Variants in ABCC1 observed in about 807,000 individuals in gnomAD.
ABCC1 encodes ATP binding cassette subfamily C member 1 (ABCC1 blood group).
In ABCC1, 83 loss-of-function variants were observed where a neutral mutation model predicts 172.9. The observed-to-expected ratio is 0.48, with a 90% confidence interval of 0.40 to 0.58. ABCC1 has a LOEUF of 0.58. ABCC1 is among the 20% of genes least tolerant of loss of function. The pLI is 0.00. For missense variants in ABCC1, 1,817 were observed against 2,002.7 expected (o/e 0.91, Z 1.77); for synonymous variants, 937 against 825.2 (o/e 1.14, Z -2.32).
Position 16,051,124 on chromosome 16 carries a change from A to G in ABCC1, c.1381-1600A>G, listed in dbSNP as rs1441353919. Among the ~76,000 whole-genome samples, 3 of 151,202 alleles carry G rather than the reference A, an allele frequency of 2.0e-5. No homozygotes were observed. In the East Asian group the frequency reaches 5.8e-4, roughly 29 times the overall value. ...GCACTGTTGACACTTGGGGCCAGAC[A>G]GTTCTTTGTTGTGGGGGCTGTCTTT... On this transcript the variant is annotated intron_variant, in intron 10 of 30. Coordinates refer to ENST00000399410, the MANE Select transcript of ABCC1 (RefSeq NM_004996.4).
Position 16,052,826 on chromosome 16 carries a change from G to A in ABCC1, c.1473+10G>A, listed in dbSNP as rs773020440. On this transcript the variant is annotated intron_variant, in intron 11 of 30. Coordinates refer to ENST00000399410, the MANE Select transcript of ABCC1 (RefSeq NM_004996.4). Reference sequence around the variant, plus strand: ...GACCAAGACGTATCAGGTAAGGCATGTGTCTCTGCGGGCCCCCAAGCCGGG... The same window carrying A: ...GACCAAGACGTATCAGGTAAGGCATATGTCTCTGCGGGCCCCCAAGCCGGG... The A allele has an allele frequency of 6.2e-7, 1 of 1,614,022 alleles. No individual in the cohort carries two copies. The highest frequency in any genetic ancestry group is 2.2e-5 in the East Asian group (1 of 44,874).
At chr16:16,127,803 G>T (rs1035646503) in intron 26 of ABCC1, among the ~76,000 whole-genome samples, 2 of 152,200 alleles carry the variant, frequency 1.3e-5, no homozygotes, top group South Asian at 2.1e-4. Flanking sequence ...CCCATGTCAC[G>T]GGTGAGCATT....
At chr16:16,093,631 C>A (rs1312309429) in intron 19 of ABCC1, among the ~76,000 whole-genome samples, 4 of 152,170 alleles carry the variant, frequency 2.6e-5, no homozygotes, top group Non-Finnish European at 5.9e-5. Context: ...TCACCACCCA[C>A]CCTTTTCCAT....
At chr16:16,047,565 C>T (rs113945193) in intron 9 of ABCC1, among the ~76,000 whole-genome samples, 2 of 152,126 alleles carry the variant, frequency 1.3e-5, no homozygotes, top group Non-Finnish European at 2.9e-5. Flanking sequence ...GGGGCATTTT[C>T]GGTTGTCCCA....
chr16:16,106,953 C>G (rs2052148890), intron 21 of ABCC1, 80 bp downstream of exon 21: 11 of 1,570,728 alleles, frequency 7.0e-6, no homozygotes, highest in African/African-American at 1.3e-5. Context: ...TGCAAAGTGC[C>G]TTGTCTATGT....
intron 5 of ABCC1, among the ~76,000 whole-genome samples, chr16:16,020,947 T>C (rs1419406906): frequency 6.6e-6 from 1 of 152,208 alleles, no homozygotes; most frequent in Non-Finnish European, 1.5e-5. Context: ...CTGGCTGTTG[T>C]GCACAATCAT....
intron 18 of ABCC1, 62 bp downstream of exon 18, chr16:16,087,053 G>A (rs2152006367): frequency 2.5e-6 from 4 of 1,580,868 alleles, no homozygotes; most frequent in Admixed American, 1.8e-5. Flanking sequence ...AAGTCAGAAC[G>A]TGTCCCCTTT....
chr16:16,037,768 A>G (rs983352610), intron 7 of ABCC1, among the ~76,000 whole-genome samples: 100 of 152,174 alleles, frequency 6.6e-4, no homozygotes, highest in African/African-American at 2.4e-3. Flanking sequence ...TGCCCAGGAT[A>G]CAGGCCTTCA....
At chr16:15,993,284 G>T (rs1037363286) in intron 1 of ABCC1, among the ~76,000 whole-genome samples, 3 of 152,156 alleles carry the variant, frequency 2.0e-5, no homozygotes, top group Non-Finnish European at 4.4e-5. Flanking sequence ...GTGTTAATCC[G>T]TCTCTTGGCT....
intron 5 of ABCC1, among the ~76,000 whole-genome samples, chr16:16,026,175 T>C (rs2048361217): frequency 6.6e-6 from 1 of 152,160 alleles, no homozygotes; most frequent in African/African-American, 2.4e-5. Context: ...CTCATGCCTG[T>C]AATCCCAGCA....
intron 1 of ABCC1, among the ~76,000 whole-genome samples, chr16:15,950,782 A>T (rs1301842408): frequency 6.6e-6 from 1 of 152,084 alleles, no homozygotes; most frequent in Non-Finnish European, 1.5e-5. Flanking sequence ...TTTAGGAATC[A>T]GGAGAAACAG....
intron 5 of ABCC1, among the ~76,000 whole-genome samples, chr16:16,017,182 C>T (rs1335026818): frequency 6.6e-6 from 1 of 152,108 alleles, no homozygotes; most frequent in Non-Finnish European, 1.5e-5. Context: ...AGATGGCCAC[C>T]GTTTCTGCTA....
At chr16:16,124,983 T>G in intron 25 of ABCC1, 68 bp downstream of exon 25, 1 of 1,604,518 alleles carries the variant, frequency 6.2e-7, no homozygotes, top group South Asian at 1.1e-5. Flanking sequence ...TCCTTGGCTT[T>G]GGATTCCAGC....
intron 6 of ABCC1, 58 bp downstream of exon 6, chr16:16,033,228 T>C: frequency 3.4e-6 from 5 of 1,475,808 alleles, no homozygotes; most frequent in Middle Eastern, 1.7e-4. Context: ...AATGAATGAA[T>C]GAACGAATGA....
intron 1 of ABCC1, among the ~76,000 whole-genome samples, chr16:15,998,999 A>C (rs1454259306): frequency 6.6e-6 from 1 of 152,060 alleles, no homozygotes; most frequent in African/African-American, 2.4e-5. Flanking sequence ...AAAATTAAAA[A>C]AAAATTTTTA....
At chr16:16,114,044 G>A (rs529563970) in intron 22 of ABCC1, among the ~76,000 whole-genome samples, 208 of 152,304 alleles carry the variant, frequency 1.4e-3, no homozygotes, top group African/African-American at 4.7e-3. Flanking sequence ...CCGGTCATGA[G>A]CTGCTGCCAA....
intron 1 of ABCC1, among the ~76,000 whole-genome samples, chr16:15,995,311 G>C (rs970817307): frequency 3.9e-5 from 6 of 152,144 alleles, no homozygotes; most frequent in African/African-American, 7.2e-5. Context: ...TGCAACTAAT[G>C]AATCTTCCCT....
chr16:16,092,597 C>A (rs901446787), intron 19 of ABCC1, among the ~76,000 whole-genome samples: 2 of 152,178 alleles, frequency 1.3e-5, no homozygotes, highest in African/African-American at 4.8e-5. Context: ...GCAGATAGAC[C>A]ATACTGTGTT....
intron 1 of ABCC1, among the ~76,000 whole-genome samples, chr16:15,961,904 G>A (rs2046142975): frequency 6.6e-6 from 1 of 151,728 alleles, no homozygotes; most frequent in East Asian, 1.9e-4. Context: ...GATAAGCAGT[G>A]CTGCACTGAA....
Sources: gnomAD v4.1 joint callset for allele counts (sites outside exome capture counted in the v4.1 genomes callset) on GRCh38, gnomAD v4.1.1 for gene constraint, MANE v1.5 for transcripts, NCBI Gene and HGNC (gene_info 2026-07-23, HGNC 2026-07-21) for gene names.